ELAPOR2: variants seen among roughly 807,000 people sequenced by gnomAD.
The protein encoded by ELAPOR2 is endosome-lysosome associated apoptosis and autophagy regulator family member 2.
Under a neutral mutation model 120.7 loss-of-function variants are expected in ELAPOR2, and 89 were observed. That is an observed-to-expected ratio of 0.74 (90% CI 0.62 to 0.88). The LOEUF is 0.88. ELAPOR2 is among the 40% of genes least tolerant of loss of function. The pLI is 0.00. For synonymous variants in ELAPOR2, 444 were observed against 444.9 expected (o/e 1.00, Z 0.03); for missense variants, 1,134 against 1,251.6 (o/e 0.91, Z 1.42).
chr7:87,045,981 AG>A (rs1794942255), intron 1 of ELAPOR2, among the ~76,000 whole-genome samples: 1 of 152,136 alleles, frequency 6.6e-6, no homozygotes, highest in South Asian at 2.1e-4. Flanking sequence ...AAAGAAAAAA[AG>A]GGCATCCAAA....
At chr7:87,018,478 T>C (rs937050381) in intron 1 of ELAPOR2, among the ~76,000 whole-genome samples, 1 of 152,182 alleles carries the variant, frequency 6.6e-6, no homozygotes, top group Non-Finnish European at 1.5e-5. Flanking sequence ...ATGATTTGGA[T>C]TGTCTAAGAA....
rs566792986 is a variant in ELAPOR2 at position 87,023,973 on chromosome 7, G to A, written c.189+35352C>T. Among the ~76,000 whole-genome samples the A allele has an allele frequency of 4.4e-3, 673 of 152,248 alleles. 3 individuals carry two copies. The highest frequency in any genetic ancestry group is 6.6e-3 in the Non-Finnish European group (450 of 68,008). Reference sequence around the variant, plus strand: ...GCTTAAGGAGATTTTGGGCTGAGACGATGGGGTTTTCTAGATATACAATCA... The same window carrying A: ...GCTTAAGGAGATTTTGGGCTGAGACAATGGGGTTTTCTAGATATACAATCA... On this transcript the variant is annotated intron_variant, in intron 1 of 21. Transcript: ENST00000450689.
At position 86,938,182 on chromosome 7, in the gene ELAPOR2, G is replaced by A. The variant is rs1419267699; in HGVS notation, c.1033C>T (p.Pro345Ser). Residue 345 changes from proline to serine, a missense_variant, in exon 8 of 22, where the codon CCC (proline) becomes TCC (serine). Pro to Ser is a moderately conservative substitution (Grantham distance 74). Around this residue, in one of 3 missense-constraint regions of ELAPOR2, gnomAD observed 831 missense variants for 867.6 expected, o/e 0.96. Coordinates refer to ENST00000450689, the MANE Select transcript of ELAPOR2 (RefSeq NM_001142749.3). The stretch of plus-strand genomic sequence containing the variant: ...TGGAAATAGTCTTTTGTGGTACAGG[G>A]AGGGCGCTCTGTACACTCACTGGAT... ...EGSSECTERP[P>S]CTTKDYFQIH... The A allele has an allele frequency of 1.3e-6, 2 of 1,551,762 alleles. No individual in the cohort carries two copies. The highest frequency in any genetic ancestry group is 8.7e-7 in the Non-Finnish European group (1 of 1,146,462).
At chr7:87,014,024 TCAC>T (rs2116676453) in intron 1 of ELAPOR2, among the ~76,000 whole-genome samples, 1 of 138,990 alleles carries the variant, frequency 7.2e-6, no homozygotes, top group East Asian at 2.1e-4. Flanking sequence ...GCCATGTTTT[TCAC>T]TTTTTTTTTT....
chr7:86,919,275 C>A lies in ELAPOR2; in HGVS notation c.1435G>T (p.Ala479Ser), dbSNP rs138162061. Residue 479 changes from alanine (A) to serine (S), a missense_variant, in exon 11 of 22, where the codon GCT (alanine) becomes TCT (serine). By Grantham distance (99) the Ala-to-Ser change is moderately conservative. This residue lies in a region of ELAPOR2 where 831 missense variants were observed against 867.6 expected (regional missense o/e 0.96). Transcript: ENST00000450689. ...EVAGDHIQSG[A>S]GGSDNDYLIL... ...AGGTAATCATTGTCAGAACCTCCAG[C>A]CCCACTCTGGATATGATCTCCAGCC... The A allele has an allele frequency of 9.3e-5, 150 of 1,611,610 alleles. No individual in the cohort carries two copies. In the East Asian group the frequency reaches 3.3e-3, roughly 36 times the overall value.
intron 18 of ELAPOR2, among the ~76,000 whole-genome samples, chr7:86,905,285 T>C (rs1350616251): frequency 6.6e-6 from 1 of 150,972 alleles, no homozygotes; most frequent in East Asian, 1.9e-4. Context: ...TTTTTTTTTT[T>C]TCTGTCAGTA....
At chr7:86,918,003 C>CT (rs928741543) in intron 12 of ELAPOR2, among the ~76,000 whole-genome samples, 21 of 152,098 alleles carry the variant, frequency 1.4e-4, no homozygotes, top group African/African-American at 5.1e-4. Flanking sequence ...GCATAGTACT[C>CT]TTTTTCTAAA....
At chr7:87,046,630 C>T (rs1050811575) in intron 1 of ELAPOR2, among the ~76,000 whole-genome samples, 5 of 152,138 alleles carry the variant, frequency 3.3e-5, no homozygotes, top group Admixed American at 6.6e-5. Context: ...TTCCCCCACC[C>T]CATTCTCGTG....
At chr7:86,918,069 CA>C (rs1220175244) in intron 12 of ELAPOR2, among the ~76,000 whole-genome samples, 3 of 151,980 alleles carry the variant, frequency 2.0e-5, no homozygotes, top group Non-Finnish European at 4.4e-5. Flanking sequence ...CTTATTAGTA[CA>C]ATGTTTTTTC....
intron 2 of ELAPOR2, among the ~76,000 whole-genome samples, chr7:86,958,466 C>A (rs2116449566): frequency 6.6e-6 from 1 of 152,256 alleles, no homozygotes; most frequent in Admixed American, 6.5e-5. Flanking sequence ...ACATTTATCA[C>A]CTTATTTAAC....
At chr7:87,033,695 T>A (rs996410143) in intron 1 of ELAPOR2, among the ~76,000 whole-genome samples, 5 of 152,038 alleles carry the variant, frequency 3.3e-5, no homozygotes, top group Non-Finnish European at 7.4e-5. Flanking sequence ...ACTGAAAGAC[T>A]AAATAAGTGA....
chr7:86,911,381 T>C (rs1400044310), intron 15 of ELAPOR2, among the ~76,000 whole-genome samples: 1 of 152,170 alleles, frequency 6.6e-6, no homozygotes, highest in Non-Finnish European at 1.5e-5. Flanking sequence ...CTTTGCACAG[T>C]ATCTCATAAT....
chr7:86,936,116 G>C (rs971763550), intron 8 of ELAPOR2, among the ~76,000 whole-genome samples: 10 of 151,998 alleles, frequency 6.6e-5, no homozygotes, highest in Non-Finnish European at 1.0e-4. Context: ...ACAGGACAGA[G>C]AGAACCAAAA....
At chr7:87,058,903 G>C (rs903802567) in intron 1 of ELAPOR2, among the ~76,000 whole-genome samples, 2 of 152,072 alleles carry the variant, frequency 1.3e-5, no homozygotes, top group East Asian at 1.9e-4. Context: ...GTGGAGACAG[G>C]GGGAGGAGGA....
chr7:86,901,472 T>G (rs147773650), intron 18 of ELAPOR2, among the ~76,000 whole-genome samples: 7 of 152,254 alleles, frequency 4.6e-5, no homozygotes, highest in Non-Finnish European at 1.0e-4. Context: ...TGGAGAAGAA[T>G]CTTTTCTTAT....
chr7:86,936,028 T>C (rs771667009), intron 8 of ELAPOR2, among the ~76,000 whole-genome samples: 1 of 152,006 alleles, frequency 6.6e-6, no homozygotes, highest in Non-Finnish European at 1.5e-5. Flanking sequence ...TTGGAATCTA[T>C]ATGCCTCAAT....
chr7:86,902,286 C>T (rs1345421418), intron 18 of ELAPOR2, among the ~76,000 whole-genome samples: 1 of 152,172 alleles, frequency 6.6e-6, no homozygotes, highest in African/African-American at 2.4e-5. Context: ...AAGTGATTCT[C>T]CTGCCTCAGC....
intron 2 of ELAPOR2, among the ~76,000 whole-genome samples, chr7:86,962,330 G>A (rs1367723461): frequency 6.6e-6 from 1 of 152,074 alleles, no homozygotes; most frequent in African/African-American, 2.4e-5. Context: ...TTCCCACAAA[G>A]GCCAAATTCT....
chr7:86,902,000 T>C (rs1015869254), intron 18 of ELAPOR2, among the ~76,000 whole-genome samples: 6 of 152,160 alleles, frequency 3.9e-5, no homozygotes, highest in Non-Finnish European at 8.8e-5. Flanking sequence ...ACATATTAAA[T>C]TGGGTAGTTT....
Sources: allele counts gnomAD v4.1 joint callset (sites outside exome capture counted in the v4.1 genomes callset), GRCh38; gene constraint gnomAD v4.1.1; regional missense constraint gnomAD v4.1.1; transcripts MANE v1.5; gene names NCBI Gene and HGNC (gene_info 2026-07-23, HGNC 2026-07-21).